GABRB1: variants seen among roughly 807,000 people sequenced by gnomAD.
GABRB1 encodes gamma-aminobutyric acid receptor subunit beta-1.
GABRB1 carries 17 observed loss-of-function variants against 51.6 expected under a neutral mutation model. The ratio of observed to expected loss-of-function variants is 0.33; its 90% CI spans 0.23 to 0.49. The LOEUF is 0.49. GABRB1 is among the 20% of genes least tolerant of loss of function. The pLI is 0.99. For missense variants in GABRB1, 410 were observed against 600.6 expected (o/e 0.68, Z 3.32); for synonymous variants, 247 against 218.9 (o/e 1.13, Z -1.14).
chr4:47,401,631 CT>C (rs1251080403), intron 5 of GABRB1, among the ~76,000 whole-genome samples: 1 of 152,202 alleles, frequency 6.6e-6, no homozygotes, highest in Admixed American at 6.5e-5. Flanking sequence ...ATACTACTTC[CT>C]GCTGGGCTTA....
chr4:47,347,485 A>T (rs562617006), intron 5 of GABRB1, among the ~76,000 whole-genome samples: 1 of 152,306 alleles, frequency 6.6e-6, no homozygotes, highest in South Asian at 2.1e-4. Context: ...GCAACGTAGC[A>T]TGAAGAATGC....
intron 4 of GABRB1, among the ~76,000 whole-genome samples, chr4:47,192,221 T>C (rs1357957007): frequency 6.6e-6 from 1 of 152,054 alleles, no homozygotes; most frequent in African/African-American, 2.4e-5. Context: ...ATCAGCCTAG[T>C]GGGAAATGGT....
At chr4:47,249,568 C>A (rs549983648) in intron 4 of GABRB1, among the ~76,000 whole-genome samples, 1 of 151,984 alleles carries the variant, frequency 6.6e-6, no homozygotes, top group African/African-American at 2.4e-5. Context: ...TATCTCATTT[C>A]TTAGGTCTAT....
chr4:47,165,085 C>T (rs553244847), intron 4 of GABRB1, among the ~76,000 whole-genome samples: 1 of 152,174 alleles, frequency 6.6e-6, no homozygotes, highest in African/African-American at 2.4e-5. Flanking sequence ...AGCCATTTAC[C>T]TTGGTCTTTT....
At chr4:47,353,370 C>A (rs1726435309) in intron 5 of GABRB1, among the ~76,000 whole-genome samples, 1 of 152,130 alleles carries the variant, frequency 6.6e-6, no homozygotes, top group Non-Finnish European at 1.5e-5. Context: ...TAAGTGACTC[C>A]CTTGATGTTT....
At chr4:47,237,477 A>G (rs955427608) in intron 4 of GABRB1, among the ~76,000 whole-genome samples, 4 of 152,078 alleles carry the variant, frequency 2.6e-5, no homozygotes, top group Admixed American at 2.0e-4. Context: ...GTCTTTGAAA[A>G]CAGAGAAAAG....
chr4:47,023,871 C>T (rs766406694), intron 1 of GABRB1, among the ~76,000 whole-genome samples: 14 of 151,870 alleles, frequency 9.2e-5, no homozygotes, highest in Admixed American at 3.3e-4. Flanking sequence ...GTTGTTATTC[C>T]GGGAACATTA....
intron 4 of GABRB1, among the ~76,000 whole-genome samples, chr4:47,176,797 C>T (rs1718722334): frequency 6.6e-6 from 1 of 152,054 alleles, no homozygotes; most frequent in Non-Finnish European, 1.5e-5. Context: ...ATTCATTCTT[C>T]ATAATGGCAG....
At chr4:47,250,654 T>C (rs1435875044) in intron 4 of GABRB1, among the ~76,000 whole-genome samples, 1 of 152,188 alleles carries the variant, frequency 6.6e-6, no homozygotes, top group Admixed American at 6.5e-5. Flanking sequence ...TATTTTCTTA[T>C]TCTTTTCTCT....
intron 3 of GABRB1, among the ~76,000 whole-genome samples, chr4:47,125,145 C>A (rs907748574): frequency 1.3e-5 from 2 of 152,056 alleles, no homozygotes; most frequent in Non-Finnish European, 2.9e-5. Flanking sequence ...CAGCAGAGAC[C>A]TTACAGGCTA....
chr4:47,415,751 A>C (rs1156493834), intron 8 of GABRB1, among the ~76,000 whole-genome samples: 1 of 152,232 alleles, frequency 6.6e-6, no homozygotes, highest in Non-Finnish European at 1.5e-5. Context: ...GGTGGAATAC[A>C]GACTAAGAGG....
intron 3 of GABRB1, among the ~76,000 whole-genome samples, chr4:47,138,051 T>C (rs1716749581): frequency 6.6e-6 from 1 of 152,108 alleles, no homozygotes; most frequent in African/African-American, 2.4e-5. Flanking sequence ...TAGCAGTGTT[T>C]TGTTGATATG....
chr4:47,006,922 A>G (rs1343259036), intron 1 of GABRB1, among the ~76,000 whole-genome samples: 2 of 152,170 alleles, frequency 1.3e-5, no homozygotes, highest in African/African-American at 4.8e-5. Context: ...TGGGAGGCTG[A>G]GGCAGGTGGA....
chr4:47,238,058 A>G (rs1327794699), intron 4 of GABRB1, among the ~76,000 whole-genome samples: 3 of 152,026 alleles, frequency 2.0e-5, no homozygotes, highest in Non-Finnish European at 4.4e-5. Flanking sequence ...AATATAGAAG[A>G]ATATACAATA....
At chr4:47,418,854 G>T (rs1729011244) in intron 8 of GABRB1, among the ~76,000 whole-genome samples, 1 of 152,188 alleles carries the variant, frequency 6.6e-6, no homozygotes, top group Admixed American at 6.5e-5. Context: ...CATCCATGCA[G>T]CACTATCCTT....
intron 4 of GABRB1, among the ~76,000 whole-genome samples, chr4:47,197,962 A>T (rs1336457543): frequency 2.0e-5 from 3 of 152,194 alleles, no homozygotes; most frequent in Non-Finnish European, 4.4e-5. Flanking sequence ...TCTTAATTAC[A>T]GCACATCTCA....
rs147835531 is a variant in GABRB1 at position 47,271,264 on chromosome 4, A to T, written c.462-48863A>T. On this transcript the variant is annotated intron_variant, in intron 4 of 8. Transcript: ENST00000295454. ...TTATTTGTTCATATTTATAAACTAA[A>T]CCATTATTTAAGTTTGGCCACAGAG... 1.3e-4 allele frequency among the ~76,000 whole-genome samples: 20 copies of T among 152,276 alleles called. No individual in the cohort carries two copies. The East Asian group carries it at 3.3e-3, about 25-fold the overall frequency.
chr4:47,031,423 G>C (rs1368847803), upstream of GABRB1: 4 of 562,220 alleles, frequency 7.1e-6, no homozygotes, highest in Non-Finnish European at 1.3e-5. Context: ...ACAGCAGCTT[G>C]TCTCTGACTA....
At chr4:46,994,361 C>T (rs1723902745) in intron 1 of GABRB1, 1 of 151,594 alleles carries the variant, frequency 6.6e-6, no homozygotes, top group Non-Finnish European at 1.5e-5. Context: ...CTTCTTGCGA[C>T]ACTCTTCTTT....
Sources: allele counts gnomAD v4.1 joint callset (sites outside exome capture counted in the v4.1 genomes callset), GRCh38; gene constraint gnomAD v4.1.1; transcripts MANE v1.5; gene names NCBI Gene and HGNC (gene_info 2026-07-23, HGNC 2026-07-21).